PCDHGA6: variants seen among roughly 807,000 people sequenced by gnomAD.
The protein encoded by PCDHGA6 is protocadherin gamma subfamily A, 6.
PCDHGA6 carries 41 observed loss-of-function variants against 60.6 expected under a neutral mutation model. The ratio of observed to expected loss-of-function variants is 0.68; its 90% CI spans 0.53 to 0.88. The LOEUF is 0.88. Among genes scored for constraint, PCDHGA6 ranks in the 40% least tolerant of loss-of-function variants. PCDHGA6 has a pLI of 0.00. For synonymous variants in PCDHGA6, 594 were observed against 524.4 expected (o/e 1.13, Z -1.81); for missense variants, 1,312 against 1,203.0 (o/e 1.09, Z -1.34).
At chr5:141,403,873 A>G in intron 1 of PCDHGA6, 1 of 1,613,840 alleles carries the variant, frequency 6.2e-7, no homozygotes, top group Non-Finnish European at 8.5e-7. Flanking sequence ...CAAAAAGTCT[A>G]GATTATGAAG....
chr5:141,413,180 C>CCGCTCAAAGGAAT (rs760676891), intron 1 of PCDHGA6: 75 of 1,602,494 alleles, frequency 4.7e-5, no homozygotes, highest in Non-Finnish European at 6.1e-5. Flanking sequence ...ACTACAATGG[C>CCGCTCAAAGGAAT]CGCTCAAAGG....
rs3074545 is a variant in PCDHGA6, at chr5:141,482,530, C to CAAAAAAA, written c.2425-12264_2425-12258dup. On this transcript the variant is annotated intron_variant, in intron 1 of 3. Coordinates refer to ENST00000517434, the MANE Select transcript of PCDHGA6 (RefSeq NM_018919.3). ...CAGAGTACAGTATGAGACAGACATG[C>CAAAAAAA]AAAAAAAAAAAAAAAAAAAGATAAT... Among the ~76,000 whole-genome samples the CAAAAAAA allele has an allele frequency of 6.5e-4, 50 of 76,534 alleles. 2 individuals are homozygous for CAAAAAAA. The highest frequency in any genetic ancestry group is 1.7e-3 in the African/African-American group (35 of 20,860). 50.2% of individuals were successfully genotyped at this position (76,534 alleles called of 152,430 possible).
In PCDHGA6 at chr5:141,476,016, G is replaced by C; in HGVS notation, c.2425-18791G>C. On this transcript the variant is annotated intron_variant, in intron 1 of 3. Transcript: ENST00000517434. This position sits in a 1 kb window ranked among gnomAD's most constrained non-coding sequence, Gnocchi z 7.6. ...TCAACGGCATCCAGAAAGCCATGTC[G>C]GACTCGGCGCCCAGCGCCCAAGCGC... 1 of 1,359,386 alleles carries C rather than the reference G, an allele frequency of 7.4e-7. No homozygotes were observed. The highest frequency in any genetic ancestry group is 2.3e-5 in the East Asian group (1 of 43,300). 84.2% of individuals were successfully genotyped at this position (1,359,386 alleles called of 1,614,324 possible).
Position 141,476,836 on chromosome 5 carries a change from T to G in PCDHGA6, c.2425-17971T>G. 1 of 1,613,652 alleles carries G rather than the reference T, an allele frequency of 6.2e-7. No homozygotes were observed. The highest frequency in any genetic ancestry group is 8.5e-7 in the Non-Finnish European group (1 of 1,180,042). On this transcript the variant is annotated intron_variant, in intron 1 of 3. Coordinates refer to ENST00000517434, the MANE Select transcript of PCDHGA6 (RefSeq NM_018919.3). The surrounding 1 kb of genome is among the most constrained non-coding windows in gnomAD (Gnocchi z 7.6). ...TCAAGGTGCTGGACGCGAATGACAATGCGCCTGTCTTCAACCAGTCCTTGT... is the reference window on the plus strand; with the variant it reads ...TCAAGGTGCTGGACGCGAATGACAAGGCGCCTGTCTTCAACCAGTCCTTGT...
chr5:141,374,428 T>C lies in PCDHGA6; in HGVS notation c.345T>C (p.Asn115=). The C allele has an allele frequency of 6.2e-7, 1 of 1,613,952 alleles. No homozygotes were observed. Among genetic ancestry groups the C allele is most frequent in the Admixed American group, 1.7e-5 (1 of 60,022 alleles). Reference sequence around the variant, plus strand: ...ACATCCTTGTCGAGGATAAACTGAATCTTTATCCCGTGGAAGTGGAAATAG... The same window carrying C: ...ACATCCTTGTCGAGGATAAACTGAACCTTTATCCCGTGGAAGTGGAAATAG... The part of the protein sequence containing the change: ...SFNILVEDKL[N]LYPVEVEIVD... Residue 115 remains asparagine, a synonymous_variant, in exon 1 of 4, where the codon AAT becomes AAC. Coordinates refer to ENST00000517434, the MANE Select transcript of PCDHGA6 (RefSeq NM_018919.3).
chr5:141,485,193 G>T lies in PCDHGA6; in HGVS notation c.2425-9614G>T. The T allele has an allele frequency of 6.2e-7, 1 of 1,613,988 alleles. No homozygotes were observed. Among genetic ancestry groups the T allele is most frequent in the Non-Finnish European group, 8.5e-7 (1 of 1,179,852 alleles). The stretch of plus-strand genomic sequence containing the variant: ...GCAGCAATGCTCCGCAAGGTGAGAA[G>T]CTGGACAGAAATCTGGCGGTGGGCT... On this transcript the variant is annotated intron_variant, in intron 1 of 3. Transcript: ENST00000517434. The surrounding 1 kb of genome is among the most constrained non-coding windows in gnomAD (Gnocchi z 5.7).
intron 1 of PCDHGA6, chr5:141,396,327 A>C (rs1370175057): frequency 6.6e-6 from 1 of 152,430 alleles, no homozygotes; most frequent in Non-Finnish European, 1.5e-5. Flanking sequence ...CTCTAAAAAA[A>C]CTATTATTAG....
In PCDHGA6 at chr5:141,477,595, T is replaced by C. The variant is rs1289890776; in HGVS notation, c.2425-17212T>C. The C allele has an allele frequency of 6.2e-7, 1 of 1,614,176 alleles. No individual in the cohort carries two copies. Among genetic ancestry groups the C allele is most frequent in the Non-Finnish European group, 8.5e-7 (1 of 1,180,032 alleles). ...ACGCCCCGCAGAATGCTCGGCTTTC[T>C]TTCTTTCTCTTGGAGCAAGGAGCTG... On this transcript the variant is annotated intron_variant, in intron 1 of 3. Coordinates refer to ENST00000517434, the MANE Select transcript of PCDHGA6 (RefSeq NM_018919.3). This position sits in a 1 kb window ranked among gnomAD's most constrained non-coding sequence, Gnocchi z 4.9.
chr5:141,385,141 G>A (rs1183220869), intron 1 of PCDHGA6: 30 of 1,614,084 alleles, frequency 1.9e-5, no homozygotes, highest in African/African-American at 6.7e-5. Context: ...CGGGGTGCAG[G>A]CTTTCCTGCA....
chr5:141,478,901 A>T (rs2099483520), intron 1 of PCDHGA6: 2 of 1,002,034 alleles, frequency 2.0e-6, no homozygotes, highest in African/African-American at 3.3e-5. Flanking sequence ...ATTAGGAATA[A>T]GCTGCTGGAT....
chr5:141,408,526 T>C, intron 1 of PCDHGA6: 3 of 1,614,028 alleles, frequency 1.9e-6, no homozygotes, highest in Non-Finnish European at 2.5e-6. Flanking sequence ...AATTGGAAGC[T>C]GTGGTGGAAA....
chr5:141,375,385 A>G lies in PCDHGA6; in HGVS notation c.1302A>G (p.Thr434=). 3 of 1,614,012 alleles carry G rather than the reference A, an allele frequency of 1.9e-6. No homozygotes were observed. The highest frequency in any genetic ancestry group is 4.5e-5 in the East Asian group (2 of 44,886). The change falls in exon 1 of 4, where the codon ACA becomes ACG. Residue 434 remains threonine (T), a synonymous_variant. Transcript: ENST00000517434. ...ACAAAGGAACACCACCTCTGTCTAC[A>G]GAAACAATCATCTCTCTAAATGTGG... is the stretch of plus-strand genomic sequence containing the variant. The part of the protein sequence containing the change: ...ATDKGTPPLS[T]ETIISLNVAD...
intron 1 of PCDHGA6, chr5:141,426,985 A>G (rs534298238): frequency 7.7e-5 from 35 of 456,646 alleles, no homozygotes; most frequent in Non-Finnish European, 1.3e-4. Context: ...ACTGATGCCA[A>G]CGATAATGCC....
chr5:141,462,781 G>A (rs893647456), intron 1 of PCDHGA6, among the ~76,000 whole-genome samples: 7 of 152,102 alleles, frequency 4.6e-5, no homozygotes, highest in African/African-American at 1.7e-4. Context: ...GTCATAATTT[G>A]TTGCTTATTT....
Position 141,431,428 on chromosome 5 carries a change from A to G in PCDHGA6, c.2424+54921A>G. The stretch of plus-strand genomic sequence containing the variant: ...CCGACGGGGGCGACCCGGTGCGCAC[A>G]GGCACCGCGCGCATCCGCGTGATGG... On this transcript the variant is annotated intron_variant, in intron 1 of 3. Transcript: ENST00000517434. This position sits in a 1 kb window ranked among gnomAD's most constrained non-coding sequence, Gnocchi z 4.8. The G allele has an allele frequency of 6.2e-7, 1 of 1,613,664 alleles. No individual in the cohort carries two copies. Among genetic ancestry groups the G allele is most frequent in the Non-Finnish European group, 8.5e-7 (1 of 1,179,998 alleles).
rs762979829 is a variant in PCDHGA6, at chr5:141,432,863, T to A, written c.2424+56356T>A. 1 of 1,614,074 alleles carries A rather than the reference T, an allele frequency of 6.2e-7. No individual in the cohort carries two copies. Among genetic ancestry groups the A allele is most frequent in the East Asian group, 2.2e-5 (1 of 44,886 alleles). On this transcript the variant is annotated intron_variant, in intron 1 of 3. Coordinates refer to ENST00000517434, the MANE Select transcript of PCDHGA6 (RefSeq NM_018919.3). The surrounding 1 kb of genome is among the most constrained non-coding windows in gnomAD (Gnocchi z 6.0). ...GGTGGTAGCGGTGGCCGCGGTCTCCTGCGTCTTCCTGGCCTTCGTCATCTT... is the reference window on the plus strand; with the variant it reads ...GGTGGTAGCGGTGGCCGCGGTCTCCAGCGTCTTCCTGGCCTTCGTCATCTT...
chr5:141,460,296 C>T (rs1443273958), intron 1 of PCDHGA6, among the ~76,000 whole-genome samples: 1 of 151,924 alleles, frequency 6.6e-6, no homozygotes, highest in Non-Finnish European at 1.5e-5. Context: ...TTCTTATGTC[C>T]TATTCAAAAA....
chr5:141,440,578 C>T (rs2098188646), intron 1 of PCDHGA6: 1 of 152,138 alleles, frequency 6.6e-6, no homozygotes, highest in Non-Finnish European at 1.5e-5. Flanking sequence ...CTGAGTTTAC[C>T]CAGCTGGAAC....
At chr5:141,388,459 C>G in intron 1 of PCDHGA6, 1 of 1,613,696 alleles carries the variant, frequency 6.2e-7, no homozygotes, top group Non-Finnish European at 8.5e-7. Flanking sequence ...AGTAAATACC[C>G]TGAGATGGTA....
Sources: gnomAD v4.1 joint callset for allele counts (sites outside exome capture counted in the v4.1 genomes callset) on GRCh38, gnomAD v4.1.1 for gene constraint, Gnocchi (gnomAD v3.1) non-coding constraint, MANE v1.5 for transcripts, NCBI Gene and HGNC (gene_info 2026-07-23, HGNC 2026-07-21) for gene names.